GPR158: variants seen among roughly 807,000 people sequenced by gnomAD.
GPR158 encodes metabotropic glycine receptor.
A neutral mutation model predicts 78.2 loss-of-function variants in GPR158; 30 were observed. That is an observed-to-expected ratio of 0.38 (90% CI 0.29 to 0.52). The LOEUF (loss-of-function observed/expected upper bound fraction) is 0.52, where lower values mean the gene tolerates loss of function less well. GPR158 is among the 20% of genes least tolerant of loss of function. The pLI, the probability that GPR158 is intolerant of heterozygous loss-of-function variation, is 0.83. For synonymous variants in GPR158, 581 were observed against 591.1 expected, an observed-to-expected ratio of 0.98 and a Z score of 0.25; for missense variants, 1,463 against 1,523.5, an observed-to-expected ratio of 0.96 and a Z score of 0.66.
At chr10:25,465,137 T>G (rs979380276) in intron 4 of GPR158, among the ~76,000 whole-genome samples, 7 of 152,192 alleles carry the variant, frequency 4.6e-5, no homozygotes, top group African/African-American at 1.7e-4. Flanking sequence ...GGCTATCCAG[T>G]TGTCTGATAG....
chr10:25,232,015 A>G (rs997292849), intron 2 of GPR158, among the ~76,000 whole-genome samples: 2 of 152,132 alleles, frequency 1.3e-5, no homozygotes, highest in Admixed American at 6.5e-5. Flanking sequence ...AAGGATGTGA[A>G]CTCAAAGTAC....
At chr10:25,309,068 C>T (rs1854724939) in intron 2 of GPR158, among the ~76,000 whole-genome samples, 1 of 152,054 alleles carries the variant, frequency 6.6e-6, no homozygotes, top group Admixed American at 6.6e-5. Context: ...TGGGTGTATA[C>T]TCAGAAATGA....
intron 2 of GPR158, among the ~76,000 whole-genome samples, chr10:25,263,350 G>A (rs1411222550): frequency 6.6e-6 from 1 of 152,002 alleles, no homozygotes; most frequent in African/African-American, 2.4e-5. Context: ...TATTTAGGTG[G>A]GCTGTCTATT....
At chr10:25,434,716 G>A (rs1834973944) in intron 4 of GPR158, among the ~76,000 whole-genome samples, 1 of 152,208 alleles carries the variant, frequency 6.6e-6, no homozygotes, top group Non-Finnish European at 1.5e-5. Context: ...TAAGGTCACA[G>A]ACGTTAAAGT....
intron 2 of GPR158, among the ~76,000 whole-genome samples, chr10:25,366,824 A>T (rs774174587): frequency 7.9e-5 from 10 of 126,958 alleles, no homozygotes; most frequent in Non-Finnish European, 1.8e-4. Flanking sequence ...TTTTTTGATG[A>T]TTATGAGGTT....
chr10:25,394,280 G>T, intron 2 of GPR158, among the ~76,000 whole-genome samples: 1 of 152,188 alleles, frequency 6.6e-6, no homozygotes, highest in East Asian at 1.9e-4. Context: ...AGACAGTAAG[G>T]CTCAGAGATG....
At chr10:25,375,129 C>G (rs1588833542) in intron 2 of GPR158, among the ~76,000 whole-genome samples, 1 of 151,728 alleles carries the variant, frequency 6.6e-6, no homozygotes, top group Non-Finnish European at 1.5e-5. Flanking sequence ...TTACATTTCC[C>G]TACTTGTGAA....
chr10:25,362,375 A>C (rs1044820813), intron 2 of GPR158, among the ~76,000 whole-genome samples: 2 of 151,760 alleles, frequency 1.3e-5, no homozygotes, highest in African/African-American at 4.8e-5. Flanking sequence ...ATTTGTTTTG[A>C]AATCAGGAAG....
At chr10:25,494,725 T>C (rs1835855703) in intron 5 of GPR158, among the ~76,000 whole-genome samples, 1 of 152,216 alleles carries the variant, frequency 6.6e-6, no homozygotes, top group Non-Finnish European at 1.5e-5. Context: ...CAAAGTTCTT[T>C]GGATGTGACT....
At chr10:25,349,267 C>A (rs1043514382) in intron 2 of GPR158, among the ~76,000 whole-genome samples, 1 of 151,962 alleles carries the variant, frequency 6.6e-6, no homozygotes, top group African/African-American at 2.4e-5. Flanking sequence ...TTTCCTGACT[C>A]TGACCCTCCT....
intron 2 of GPR158, among the ~76,000 whole-genome samples, chr10:25,297,169 C>G (rs1246072844): frequency 6.6e-6 from 1 of 152,074 alleles, no homozygotes; most frequent in Non-Finnish European, 1.5e-5. Flanking sequence ...AACTCTTTAC[C>G]AAGAGTTCAA....
chr10:25,239,402 T>A (rs571601553), intron 2 of GPR158, among the ~76,000 whole-genome samples: 2 of 151,660 alleles, frequency 1.3e-5, no homozygotes, highest in South Asian at 2.1e-4. Flanking sequence ...CTCCTGAGAG[T>A]TTGAGACCAA....
chr10:25,218,796 A>T (rs1853254721), intron 1 of GPR158, among the ~76,000 whole-genome samples: 1 of 152,120 alleles, frequency 6.6e-6, no homozygotes, highest in African/African-American at 2.4e-5. Context: ...CTTTAAAAAA[A>T]TTTTAAAATT....
intron 5 of GPR158, among the ~76,000 whole-genome samples, chr10:25,511,253 T>G (rs538010181): frequency 1.3e-5 from 2 of 152,286 alleles, no homozygotes; most frequent in South Asian, 4.2e-4. Flanking sequence ...AGAAGTAAAG[T>G]GGTATCGCAT....
intron 1 of GPR158, among the ~76,000 whole-genome samples, chr10:25,197,426 T>C (rs1852857672): frequency 6.6e-6 from 1 of 152,136 alleles, no homozygotes; most frequent in Non-Finnish European, 1.5e-5. Context: ...TAGAAAAAAA[T>C]CTAAAATTTA....
At chr10:25,219,994 C>T (rs574666357) in intron 1 of GPR158, among the ~76,000 whole-genome samples, 1 of 152,164 alleles carries the variant, frequency 6.6e-6, no homozygotes, top group African/African-American at 2.4e-5. Flanking sequence ...TTTGTAGCTA[C>T]AGGAGCTATA....
intron 2 of GPR158, among the ~76,000 whole-genome samples, chr10:25,230,616 A>G (rs906659665): frequency 6.6e-6 from 1 of 152,194 alleles, no homozygotes; most frequent in Non-Finnish European, 1.5e-5. Context: ...ATATCAAAAT[A>G]GCTATTATAT....
At chr10:25,311,787 T>C (rs562544181) in intron 2 of GPR158, among the ~76,000 whole-genome samples, 65 of 152,010 alleles carry the variant, frequency 4.3e-4, no homozygotes, top group Middle Eastern at 3.4e-3. Context: ...TTCATTAATT[T>C]TTTTAAAAGG....
intron 5 of GPR158, among the ~76,000 whole-genome samples, chr10:25,522,433 C>T (rs1201656187): frequency 6.6e-6 from 1 of 152,170 alleles, no homozygotes; most frequent in African/African-American, 2.4e-5. Context: ...GTCATGGCCT[C>T]CTTTTCCCTT....
Sources: gnomAD v4.1 joint callset for allele counts (sites outside exome capture counted in the v4.1 genomes callset) on GRCh38, gnomAD v4.1.1 for gene constraint, MANE v1.5 for transcripts, NCBI Gene and HGNC (gene_info 2026-07-23, HGNC 2026-07-21) for gene names.